Variants in SLC15A5 observed in about 807,000 individuals in gnomAD.
SLC15A5 encodes the protein solute carrier family 15 member 5, also known as Peptide/histidine transporter ENSP00000340402.
SLC15A5 carries 58 observed loss-of-function variants against 56.1 expected under a neutral mutation model. The observed-to-expected ratio is 1.03, with a 90% confidence interval of 0.84 to 1.29. SLC15A5 has a LOEUF of 1.29. Ranked by LOEUF, SLC15A5 falls within the 50% of genes most tolerant of loss-of-function variation. The pLI is 0.00. For synonymous variants in SLC15A5, 264 were observed against 250.5 expected (o/e 1.05, Z -0.51); for missense variants, 681 against 672.1 (o/e 1.01, Z -0.15).
At chr12:16,273,283 C>A (rs1262506859) in intron 1 of SLC15A5, among the ~76,000 whole-genome samples, 1 of 147,344 alleles carries the variant, frequency 6.8e-6, no homozygotes, top group Admixed American at 6.7e-5. Flanking sequence ...TTTTTTTTTT[C>A]TTTCCTACTT....
intron 6 of SLC15A5, 141 bp downstream of exon 6, chr12:16,224,269 TAATA>T (rs1243215818): frequency 1.7e-5 from 12 of 693,292 alleles, no homozygotes; most frequent in South Asian, 5.7e-5. Context: ...TGTAAAAAAG[TAATA>T]AATAAATTTG....
intron 3 of SLC15A5, among the ~76,000 whole-genome samples, chr12:16,255,253 TACC>T (rs1412726647): frequency 6.6e-6 from 1 of 152,154 alleles, no homozygotes; most frequent in Non-Finnish European, 1.5e-5. Flanking sequence ...CCACAATAAA[TACC>T]ACAACCCTAT....
chr12:16,235,584 A>T lies in SLC15A5; in HGVS notation c.1162+4097T>A, dbSNP rs974195984. On this transcript the variant is annotated intron_variant, in intron 5 of 8. Transcript: ENST00000344941. This position sits in a 1 kb window ranked among gnomAD's most constrained non-coding sequence, Gnocchi z 4.1. The stretch of plus-strand genomic sequence containing the variant: ...AAGAATTGAGAATACTAATGTGCTT[A>T]TATCAAACAAATGTGCAACCGAATG... Among the ~76,000 whole-genome samples, 8 of 152,112 alleles carry T rather than the reference A, an allele frequency of 5.3e-5. No homozygotes were observed. Among genetic ancestry groups the T allele is most frequent in the African/African-American group, 1.4e-4 (6 of 41,460 alleles).
Position 16,239,769 on chromosome 12 carries a change from T to C in SLC15A5, c.1074A>G (p.Pro358=), listed in dbSNP as rs775766371. ...CCAGAAAAGGAGCCAGAATTAGTAATGGTAGGCTGCTGATGGCATTCATTA... is the reference window on the plus strand; with the variant it reads ...CCAGAAAAGGAGCCAGAATTAGTAACGGTAGGCTGCTGATGGCATTCATTA... ...IAVMNAISSL[P]LLILAPFLEY... The change falls in exon 5 of 9, where the codon CCA becomes CCG. Residue 358 remains proline (P), a synonymous_variant. Coordinates refer to ENST00000344941, the MANE Select transcript of SLC15A5 (RefSeq NM_001170798.1). 35 of 1,537,140 alleles carry C rather than the reference T, an allele frequency of 2.3e-5. No homozygotes were observed. Among genetic ancestry groups the C allele is most frequent in the East Asian group, 1.7e-4 (7 of 40,928 alleles).
chr12:16,216,826 G>T, intron 7 of SLC15A5, 67 bp downstream of exon 7: 1 of 1,369,274 alleles, frequency 7.3e-7, no homozygotes, highest in Non-Finnish European at 9.6e-7. Context: ...CCTTTCTTAA[G>T]ATTTGGTCTC....
intron 4 of SLC15A5, among the ~76,000 whole-genome samples, chr12:16,241,185 C>T (rs1468887699): frequency 6.6e-6 from 1 of 152,132 alleles, no homozygotes; most frequent in East Asian, 1.9e-4. Context: ...GTGTCATAGA[C>T]AGAAAGTCAA....
At position 16,257,876 on chromosome 12, in the gene SLC15A5, G is replaced by A. The variant is rs766352619; in HGVS notation, c.585-6C>T. On this transcript the variant is annotated splice_region_variant and splice_polypyrimidine_tract_variant and intron_variant, in intron 2 of 8. Coordinates refer to ENST00000344941, the MANE Select transcript of SLC15A5 (RefSeq NM_001170798.1). ...GGTTCATGAGCCAATAAAACCTGGG[G>A]TATACAGACAGACAAAAATAAAAAT... 2 of 1,422,904 alleles carry A rather than the reference G, an allele frequency of 1.4e-6. No individual in the cohort carries two copies. The highest frequency in any genetic ancestry group is 1.6e-5 in the South Asian group (1 of 64,196). 88.1% of individuals were successfully genotyped at this position (1,422,904 alleles called of 1,614,324 possible). A position where few individuals can be genotyped will look rare whatever the true frequency, so the allele number is the denominator to read the frequency against.
intron 7 of SLC15A5, among the ~76,000 whole-genome samples, chr12:16,200,153 C>T (rs1363857441): frequency 3.3e-5 from 5 of 151,016 alleles, no homozygotes; most frequent in African/African-American, 1.2e-4. Context: ...ACAGGAAACA[C>T]CCTGAACACA....
At chr12:16,276,324 C>A (rs544410857) in intron 1 of SLC15A5, among the ~76,000 whole-genome samples, 59 of 152,092 alleles carry the variant, frequency 3.9e-4, no homozygotes, top group African/African-American at 1.1e-3. Context: ...CATCTGTCCC[C>A]CTACCAATAC....
At chr12:16,257,434 G>A (rs772850253) in intron 3 of SLC15A5, among the ~76,000 whole-genome samples, 25 of 151,814 alleles carry the variant, frequency 1.6e-4, no homozygotes, top group Non-Finnish European at 2.8e-4. Flanking sequence ...TTTCAACCAG[G>A]GAAAAAAGGA....
intron 7 of SLC15A5, among the ~76,000 whole-genome samples, chr12:16,208,774 T>A (rs1055215742): frequency 6.6e-6 from 1 of 152,208 alleles, no homozygotes; most frequent in East Asian, 1.9e-4. Context: ...AATGAGGAAT[T>A]ATTTTTTAGT....
intron 5 of SLC15A5, among the ~76,000 whole-genome samples, chr12:16,238,343 G>C (rs117089432): frequency 2.0e-5 from 3 of 151,884 alleles, no homozygotes; most frequent in Admixed American, 6.6e-5. Context: ...ATAAGAACAG[G>C]TTGGCCGGGC....
At chr12:16,221,633 G>A (rs575427362) in intron 6 of SLC15A5, among the ~76,000 whole-genome samples, 1 of 152,158 alleles carries the variant, frequency 6.6e-6, no homozygotes, top group Non-Finnish European at 1.5e-5. Context: ...AAACTCTACT[G>A]TGGAATTTCA....
chr12:16,206,054 A>G (rs1864015452), intron 7 of SLC15A5, among the ~76,000 whole-genome samples: 1 of 152,208 alleles, frequency 6.6e-6, no homozygotes. Context: ...CTTCTACTTC[A>G]CTATGTGCTT....
intron 5 of SLC15A5, among the ~76,000 whole-genome samples, chr12:16,226,716 C>A (rs537313202): frequency 6.6e-6 from 1 of 152,236 alleles, no homozygotes; most frequent in South Asian, 2.1e-4. Context: ...TCAAACTCTT[C>A]TCTTCCTTTT....
chr12:16,261,093 C>T (rs1174435005), intron 2 of SLC15A5, among the ~76,000 whole-genome samples: 2 of 151,916 alleles, frequency 1.3e-5, no homozygotes, highest in African/African-American at 4.8e-5. Context: ...AATTGAGATG[C>T]AGTAAACTGC....
In SLC15A5 at chr12:16,214,343, G is replaced by A. The variant is rs568998743; in HGVS notation, c.1483+2550C>T. ...GTGGTTGGAATGTCTGTTATTTAGG[G>A]TGGGACCCTCAGTCCCCACCTGATA... On this transcript the variant is annotated intron_variant, in intron 7 of 8. Coordinates refer to ENST00000344941, the MANE Select transcript of SLC15A5 (RefSeq NM_001170798.1). 4.6e-5 allele frequency among the ~76,000 whole-genome samples: 7 copies of A among 152,284 alleles called. No homozygotes were observed. In the East Asian group the frequency reaches 7.7e-4, roughly 17 times the overall value.
chr12:16,210,826 C>T (rs2136244003), intron 7 of SLC15A5, among the ~76,000 whole-genome samples: 2 of 152,308 alleles, frequency 1.3e-5, no homozygotes, highest in South Asian at 4.1e-4. Flanking sequence ...TTTCCTGATG[C>T]TATTATAAAC....
intron 7 of SLC15A5, among the ~76,000 whole-genome samples, chr12:16,199,428 A>G (rs1384676134): frequency 6.6e-6 from 1 of 152,138 alleles, no homozygotes. Context: ...TCACCACAGA[A>G]ATCAAGGTCA....
Sources: allele counts gnomAD v4.1 joint callset (sites outside exome capture counted in the v4.1 genomes callset), GRCh38; gene constraint gnomAD v4.1.1; non-coding constraint Gnocchi (gnomAD v3.1); transcripts MANE v1.5; gene names NCBI Gene and HGNC (gene_info 2026-07-23, HGNC 2026-07-21).